ADCYAP1R1: variants seen among roughly 807,000 people sequenced by gnomAD.
The protein encoded by ADCYAP1R1 is pituitary adenylate cyclase-activating polypeptide type I receptor.
In ADCYAP1R1, 44 loss-of-function variants were observed where a neutral mutation model predicts 67.6. The ratio of observed to expected loss-of-function variants is 0.65; its 90% CI spans 0.51 to 0.84. The LOEUF is 0.84. Among genes scored for constraint, ADCYAP1R1 ranks in the 40% least tolerant of loss-of-function variants. ADCYAP1R1 has a pLI of 0.00. For synonymous variants in ADCYAP1R1, 222 were observed against 219.6 expected (o/e 1.01, Z -0.10); for missense variants, 477 against 587.9 (o/e 0.81, Z 1.95).
At position 31,096,440 on chromosome 7, in the gene ADCYAP1R1, G is replaced by A. The variant is rs1431547274; in HGVS notation, c.1046+3705G>A. ...CCACTTCCACAGCACCTCCTCCCCT[G>A]CCAAGGAGCACCTGATCCTCAAAGT... is the stretch of plus-strand genomic sequence containing the variant. On this transcript the variant is annotated intron_variant, in intron 13 of 15. Transcript: ENST00000304166. 3.3e-5 allele frequency among the ~76,000 whole-genome samples: 5 copies of A among 152,276 alleles called. No individual in the cohort carries two copies. In the East Asian group the frequency reaches 9.7e-4, roughly 29 times the overall value.
At position 31,085,440 on chromosome 7, in the gene ADCYAP1R1, A is replaced by G; in HGVS notation, c.667A>G (p.Thr223Ala). The G allele has an allele frequency of 2.5e-6, 4 of 1,612,458 alleles. No individual in the cohort carries two copies. The highest frequency in any genetic ancestry group is 3.4e-6 in the Non-Finnish European group (4 of 1,179,766). ...EQDSNHCFIS[T>A]VECKAVMVFF... ...GGACAGCAACCACTGCTTCATCTCC[A>G]CTGTGAGTGAGCCAAGCAGACCCAT... Residue 223 changes from threonine to alanine, a missense_variant and splice_region_variant, in exon 9 of 16, where the codon ACT (threonine) becomes GCT (alanine). Physicochemically the swap from Thr to Ala is moderately conservative, Grantham distance 58 (BLOSUM62 0). Coordinates refer to ENST00000304166, the MANE Select transcript of ADCYAP1R1 (RefSeq NM_001118.5).
intron 1 of ADCYAP1R1, among the ~76,000 whole-genome samples, chr7:31,054,649 C>T (rs575101996): frequency 5.3e-5 from 8 of 152,230 alleles, no homozygotes; most frequent in Non-Finnish European, 5.9e-5. Flanking sequence ...GCCGCCCTCC[C>T]AGGGACAAGC....
intron 3 of ADCYAP1R1, among the ~76,000 whole-genome samples, chr7:31,069,443 A>C (rs973329214): frequency 6.6e-6 from 1 of 152,216 alleles, no homozygotes; most frequent in Non-Finnish European, 1.5e-5. Context: ...GCTTGTTCCA[A>C]TGCCTGTTGA....
In ADCYAP1R1 at chr7:31,110,990, C is replaced by T. The variant is rs999966312; in HGVS notation, c.*4306C>T. 2.0e-5 allele frequency: 3 copies of T among 152,144 alleles called. No individual in the cohort carries two copies. The highest frequency in any genetic ancestry group is 7.2e-5 in the African/African-American group (3 of 41,414). 9.4% of individuals were successfully genotyped at this position (152,144 alleles called of 1,614,324 possible). A position where few individuals can be genotyped will look rare whatever the true frequency, so the allele number is the denominator to read the frequency against. On this transcript the variant is annotated 3_prime_UTR_variant, in exon 16 of 16. Transcript: ENST00000304166. ...GCCTCATTTGTAAAACCACCAGCATCAGGAGTAAGGGGGAGGCCAGAGGGC... is the reference window on the plus strand; with the variant it reads ...GCCTCATTTGTAAAACCACCAGCATTAGGAGTAAGGGGGAGGCCAGAGGGC...
At position 31,103,414 on chromosome 7, in the gene ADCYAP1R1, T is replaced by A; in HGVS notation, c.1176+48T>A. On this transcript the variant is annotated intron_variant, in intron 14 of 15. Transcript: ENST00000304166. The stretch of plus-strand genomic sequence containing the variant: ...ACAGAACTCACTGGGAGCCAGGGCC[T>A]GGTTGCTCACCTGCAAGTGGTGCTG... 1.9e-6 allele frequency: 3 copies of A among 1,612,752 alleles called. No homozygotes were observed. The East Asian group carries it at 6.7e-5, about 36-fold the overall frequency.
intron 3 of ADCYAP1R1, among the ~76,000 whole-genome samples, chr7:31,076,594 G>A (rs370888841): frequency 5.3e-5 from 8 of 152,298 alleles, no homozygotes; most frequent in African/African-American, 1.4e-4. Flanking sequence ...GAGATGCTGT[G>A]GGGGGCCTCT....
intron 3 of ADCYAP1R1, among the ~76,000 whole-genome samples, chr7:31,066,318 G>T (rs1329995130): frequency 2.0e-5 from 3 of 152,212 alleles, no homozygotes; most frequent in Admixed American, 2.0e-4. Flanking sequence ...TCATCCAGGA[G>T]GGAAGAATAA....
In ADCYAP1R1 at chr7:31,093,289, C is replaced by A. The variant is rs566428723; in HGVS notation, c.1046+554C>A. ...TGCATGTGGTCCTATTTCTTCAACT[C>A]CTTCCTTTCTGATGAACATCTAATT... On this transcript the variant is annotated intron_variant, in intron 13 of 15. Coordinates refer to ENST00000304166, the MANE Select transcript of ADCYAP1R1 (RefSeq NM_001118.5). 2.0e-4 allele frequency among the ~76,000 whole-genome samples: 31 copies of A among 152,292 alleles called. No individual in the cohort carries two copies. In the South Asian group the frequency reaches 3.9e-3, roughly 19 times the overall value.
chr7:31,074,990 C>G (rs1275974117), intron 3 of ADCYAP1R1, among the ~76,000 whole-genome samples: 1 of 152,216 alleles, frequency 6.6e-6, no homozygotes, highest in African/African-American at 2.4e-5. Flanking sequence ...TTTTCTCCGT[C>G]TAAAAGCTGT....
At chr7:31,063,350 G>A (rs7807667) in intron 2 of ADCYAP1R1, 35 bp downstream of exon 2, 2 of 1,613,194 alleles carry the variant, frequency 1.2e-6, no homozygotes, top group South Asian at 1.1e-5. Context: ...GGGAGCCCCA[G>A]GCTCACCTGA....
chr7:31,072,909 A>T (rs564472948), intron 3 of ADCYAP1R1, among the ~76,000 whole-genome samples: 2 of 152,362 alleles, frequency 1.3e-5, no homozygotes, highest in African/African-American at 4.8e-5. Context: ...AGACTTGAGG[A>T]TGCAAAGCTG....
rs889972023 is a variant in ADCYAP1R1, at chr7:31,102,453, C to T, written c.1047-784C>T. On this transcript the variant is annotated intron_variant, in intron 13 of 15. Coordinates refer to ENST00000304166, the MANE Select transcript of ADCYAP1R1 (RefSeq NM_001118.5). The surrounding 1 kb of genome is among the most constrained non-coding windows in gnomAD (Gnocchi z 4.3). ...GTCCTAGCTGTGGGCTTCTGTGGCC[C>T]TGTGGCTTCAGAACAGAGCCCCACC... is the stretch of plus-strand genomic sequence containing the variant. Among the ~76,000 whole-genome samples, 1 of 152,174 alleles carries T rather than the reference C, an allele frequency of 6.6e-6. No homozygotes were observed. Among genetic ancestry groups the T allele is most frequent in the East Asian group, 1.9e-4 (1 of 5,170 alleles).
intron 4 of ADCYAP1R1, among the ~76,000 whole-genome samples, chr7:31,078,808 G>A (rs1218832447): frequency 4.6e-5 from 7 of 152,230 alleles, no homozygotes; most frequent in East Asian, 1.9e-4. Flanking sequence ...TGCCACACAC[G>A]GGGAGCAGTG....
intron 13 of ADCYAP1R1, among the ~76,000 whole-genome samples, chr7:31,094,531 C>T (rs1796106499): frequency 6.6e-6 from 1 of 152,136 alleles, no homozygotes; most frequent in Non-Finnish European, 1.5e-5. Context: ...TCCTCCCCTT[C>T]CTGGTAGGAT....
chr7:31,073,741 C>T (rs1157548149), intron 3 of ADCYAP1R1, among the ~76,000 whole-genome samples: 4 of 152,084 alleles, frequency 2.6e-5, no homozygotes, highest in Non-Finnish European at 4.4e-5. Flanking sequence ...CTGGGGAGCC[C>T]CAGGGAGGCA....
intron 12 of ADCYAP1R1, among the ~76,000 whole-genome samples, chr7:31,089,577 G>A (rs1239295048): frequency 6.6e-6 from 1 of 152,088 alleles, no homozygotes; most frequent in East Asian, 1.9e-4. Context: ...ATATATTTGT[G>A]CATATCTTGA....
chr7:31,100,138 A>C (rs1418231646), intron 13 of ADCYAP1R1: 1 of 1,550,608 alleles, frequency 6.4e-7, no homozygotes. Flanking sequence ...AGCTGCGTGC[A>C]GAAATGCTAC....
At position 31,054,488 on chromosome 7, in the gene ADCYAP1R1, C is replaced by T. The variant is rs371741877; in HGVS notation, c.-72+1810C>T. Among the ~76,000 whole-genome samples, 3 of 152,180 alleles carry T rather than the reference C, an allele frequency of 2.0e-5. 1 individual carries two copies. The highest frequency in any genetic ancestry group is 3.8e-4 in the East Asian group (2 of 5,196). ...CACATGGCCACCTCTCTCTGTTGTGCGTCAACTTTGGGACACTCCCTCAAT... is the reference window on the plus strand; with the variant it reads ...CACATGGCCACCTCTCTCTGTTGTGTGTCAACTTTGGGACACTCCCTCAAT... On this transcript the variant is annotated intron_variant, in intron 1 of 15. Coordinates refer to ENST00000304166, the MANE Select transcript of ADCYAP1R1 (RefSeq NM_001118.5).
chr7:31,063,163 C>T, intron 1 of ADCYAP1R1, 31 bp from the exon 2 acceptor site: 1 of 1,455,208 alleles, frequency 6.9e-7, no homozygotes, highest in African/African-American at 1.4e-5. Context: ...GCACTGGGCT[C>T]ACAGGATTCA....
Sources: gnomAD v4.1 joint callset for allele counts (sites outside exome capture counted in the v4.1 genomes callset) on GRCh38, gnomAD v4.1.1 for gene constraint, Gnocchi (gnomAD v3.1) non-coding constraint, MANE v1.5 for transcripts, NCBI Gene and HGNC (gene_info 2026-07-23, HGNC 2026-07-21) for gene names.